RBFOX1: variants seen among roughly 807,000 people sequenced by gnomAD.
RBFOX1 encodes the protein RNA binding protein fox-1 homolog 1.
Under a neutral mutation model 57.7 loss-of-function variants are expected in RBFOX1, and 8 were observed. The observed-to-expected ratio is 0.14, with a 90% CI of 0.08 to 0.25. The LOEUF (loss-of-function observed/expected upper bound fraction) is 0.25. RBFOX1 is among the 10% of genes least tolerant of loss of function. The pLI is 1.00. For missense variants in RBFOX1, 611 were observed against 548.5 expected, an observed-to-expected ratio of 1.11 and a Z score of -1.14; for synonymous variants, 326 against 222.4, an observed-to-expected ratio of 1.47 and a Z score of -4.15.
chr16:6,478,578 TC>T (rs1320359270), intron 2 of RBFOX1, among the ~76,000 whole-genome samples: 6 of 151,278 alleles, frequency 4.0e-5, no homozygotes, highest in Non-Finnish European at 8.8e-5. Context: ...AAAAGTGTCT[TC>T]GTCATGAAGC....
intron 1 of RBFOX1, among the ~76,000 whole-genome samples, chr16:6,296,075 G>T (rs533467408): frequency 6.6e-6 from 1 of 152,182 alleles, no homozygotes; most frequent in Non-Finnish European, 1.5e-5. Context: ...CCTTTCAGCC[G>T]TACAAGCAGT....
rs563448228 is a variant in RBFOX1 at position 7,002,348 on chromosome 16, G to T, written c.-15-49709G>T. 3.9e-5 allele frequency among the ~76,000 whole-genome samples: 6 copies of T among 152,330 alleles called. No individual in the cohort carries two copies. The South Asian group carries it at 1.2e-3, about 32-fold the overall frequency. ...ATTTTGTGTTTGTGTGAGCACATGT[G>T]TTTACACATGAAATTGCCCTGATAT... On this transcript the variant is annotated intron_variant, in intron 3 of 15. Coordinates refer to ENST00000550418, the MANE Select transcript of RBFOX1 (RefSeq NM_018723.4).
At chr16:7,581,142 T>A (rs1295791184) in intron 6 of RBFOX1, among the ~76,000 whole-genome samples, 1 of 152,136 alleles carries the variant, frequency 6.6e-6, no homozygotes, top group Non-Finnish European at 1.5e-5. Context: ...AGAGCGAGCA[T>A]CCTAATATTG....
At chr16:6,761,797 G>A (rs949408102) in intron 3 of RBFOX1, among the ~76,000 whole-genome samples, 5 of 151,784 alleles carry the variant, frequency 3.3e-5, no homozygotes, top group South Asian at 2.1e-4. Context: ...GAGCCACCAC[G>A]CCTGGCCCTC....
intron 4 of RBFOX1, among the ~76,000 whole-genome samples, chr16:7,172,271 A>C (rs1217477455): frequency 6.6e-6 from 1 of 152,168 alleles, no homozygotes; most frequent in African/African-American, 2.4e-5. Context: ...TTCAAACCCC[A>C]TCAAAAAAAC....
intron 4 of RBFOX1, among the ~76,000 whole-genome samples, chr16:7,347,090 G>C (rs1165135407): frequency 6.6e-6 from 1 of 152,168 alleles, no homozygotes; most frequent in Non-Finnish European, 1.5e-5. Context: ...GCAGGCAAGT[G>C]GTTCTCAATC....
chr16:5,649,256 C>T (rs2151356405), intron 3 of RBFOX1, among the ~76,000 whole-genome samples: 1 of 152,108 alleles, frequency 6.6e-6, no homozygotes, highest in Non-Finnish European at 1.5e-5. Context: ...GCAACCTCCG[C>T]CTCCTGGGTT....
chr16:6,544,053 A>G (rs1379686343), intron 2 of RBFOX1, among the ~76,000 whole-genome samples: 1 of 152,226 alleles, frequency 6.6e-6, no homozygotes, highest in African/African-American at 2.4e-5. Context: ...ATGCTCTTCT[A>G]GGTGTCTGTC....
Position 7,446,281 on chromosome 16 carries a change from T to G in RBFOX1, c.28-71866T>G, listed in dbSNP as rs924420808. 2.0e-5 allele frequency among the ~76,000 whole-genome samples: 3 copies of G among 152,330 alleles called. No individual in the cohort carries two copies. The East Asian group carries it at 5.8e-4, about 29-fold the overall frequency. ...AGGATATTTTAGTTCCTTCTATGAT[T>G]GAGTTGCTTGTCACTTGAGTTTGTA... On this transcript the variant is annotated intron_variant, in intron 4 of 15. Coordinates refer to ENST00000550418, the MANE Select transcript of RBFOX1 (RefSeq NM_018723.4).
rs567904180 is a variant in RBFOX1 at position 5,406,224 on chromosome 16, G to T, written c.220-60992G>T. On this transcript the variant is annotated intron_variant, in intron 1 of 2. Coordinates refer to the RBFOX1 transcript ENST00000585867. ...TAAATATTGTCCCTGGGGTGATGGC[G>T]GGGGGGATTTCCAGACAAGAATAGC... Among the ~76,000 whole-genome samples, 4 of 152,032 alleles carry T rather than the reference G, an allele frequency of 2.6e-5. No homozygotes were observed. The South Asian group carries it at 6.2e-4, about 24-fold the overall frequency.
intron 3 of RBFOX1, among the ~76,000 whole-genome samples, chr16:6,784,367 C>G (rs1164846251): frequency 6.6e-6 from 1 of 152,022 alleles, no homozygotes; most frequent in African/African-American, 2.4e-5. Context: ...CTCACTGATT[C>G]TTTCTTCTGC....
chr16:7,188,200 C>T (rs1417590639), intron 4 of RBFOX1, among the ~76,000 whole-genome samples: 1 of 152,166 alleles, frequency 6.6e-6, no homozygotes. Flanking sequence ...TGGAATGAAA[C>T]ACTCCCTGAG....
intron 1 of RBFOX1, among the ~76,000 whole-genome samples, chr16:6,228,704 C>A (rs1567724384): frequency 1.3e-5 from 2 of 151,788 alleles, no homozygotes; most frequent in African/African-American, 4.8e-5. Context: ...TTCAGGTAGG[C>A]GGGAGGAGTA....
chr16:5,724,589 T>C (rs2052062986), intron 3 of RBFOX1, among the ~76,000 whole-genome samples: 1 of 152,164 alleles, frequency 6.6e-6, no homozygotes, highest in Admixed American at 6.5e-5. Context: ...GGTCTTGTCA[T>C]GAGGTTCAGA....
chr16:5,630,511 G>T (rs2048473521), intron 3 of RBFOX1, among the ~76,000 whole-genome samples: 1 of 152,044 alleles, frequency 6.6e-6, no homozygotes, highest in Admixed American at 6.6e-5. Flanking sequence ...CATCAGATGT[G>T]CCCCACCATC....
intron 4 of RBFOX1, among the ~76,000 whole-genome samples, chr16:7,229,133 C>A (rs116572699): frequency 6.6e-6 from 1 of 152,110 alleles, no homozygotes; most frequent in African/African-American, 2.4e-5. Context: ...AAGTAAGAAG[C>A]AAAGTAATTT....
intron 14 of RBFOX1, among the ~76,000 whole-genome samples, chr16:7,683,033 T>TATATATATATATATATATATAA (rs374375329): frequency 7.7e-5 from 2 of 25,826 alleles, no homozygotes; most frequent in African/African-American, 2.3e-4. Context: ...TATATATATA[T>TATATATATATATATATATATAA]AAAACAGTGC....
chr16:7,002,983 T>C (rs917648972), intron 3 of RBFOX1, among the ~76,000 whole-genome samples: 1 of 152,038 alleles, frequency 6.6e-6, no homozygotes, highest in Non-Finnish European at 1.5e-5. Context: ...ATTACAGTTA[T>C]TTTCTCCAAA....
intron 1 of RBFOX1, among the ~76,000 whole-genome samples, chr16:6,092,225 C>T (rs906206310): frequency 6.6e-5 from 10 of 152,142 alleles, no homozygotes; most frequent in African/African-American, 2.2e-4. Flanking sequence ...CACATGGCAG[C>T]CAAGCTCTAA....
Sources: gnomAD v4.1 joint callset for allele counts (sites outside exome capture counted in the v4.1 genomes callset) on GRCh38, gnomAD v4.1.1 for gene constraint, MANE v1.5 for transcripts, NCBI Gene and HGNC (gene_info 2026-07-23, HGNC 2026-07-21) for gene names.